The following TMEM132B variants were observed in gnomAD, a reference collection of about 807,000 sequenced individuals.
TMEM132B encodes transmembrane protein 132B.
Under a neutral mutation model 90.8 loss-of-function variants are expected in TMEM132B, and 18 were observed. The observed-to-expected ratio is 0.20, with a 90% CI of 0.14 to 0.29. The LOEUF (loss-of-function observed/expected upper bound fraction) is 0.29. TMEM132B is among the 10% of genes least tolerant of loss of function. The pLI, the probability that TMEM132B is intolerant of heterozygous loss-of-function variation, is 1.00. For synonymous variants in TMEM132B, 504 were observed against 523.3 expected, an observed-to-expected ratio of 0.96 and a Z score of 0.50; for missense variants, 1,096 against 1,326.8, an observed-to-expected ratio of 0.83 and a Z score of 2.70.
At chr12:125,519,838 C>T (rs894754549) in intron 4 of TMEM132B, among the ~76,000 whole-genome samples, 32 of 152,086 alleles carry the variant, frequency 2.1e-4, no homozygotes, top group Admixed American at 2.6e-4. Flanking sequence ...GTGGATATTG[C>T]GGAACTGTTT....
chr12:125,389,340 C>T (rs1593118196), intron 2 of TMEM132B, among the ~76,000 whole-genome samples: 1 of 137,376 alleles, frequency 7.3e-6, no homozygotes, highest in Non-Finnish European at 1.6e-5. Flanking sequence ...TCCCTCCCCT[C>T]CCCTCCCCTC....
At chr12:125,326,462 A>G (rs1027462754) in intron 1 of TMEM132B, 1 of 801,944 alleles carries the variant, frequency 1.2e-6, no homozygotes, top group African/African-American at 1.7e-5. Context: ...TATGAGCTCA[A>G]AATGGAGCAC....
intron 1 of TMEM132B, among the ~76,000 whole-genome samples, chr12:125,272,429 C>A (rs1473518405): frequency 6.6e-6 from 1 of 152,180 alleles, no homozygotes; most frequent in African/African-American, 2.4e-5. Context: ...GGCAAAAACT[C>A]CCTCTTCGGT....
At chr12:125,499,494 A>G (rs190087751) in intron 3 of TMEM132B, among the ~76,000 whole-genome samples, 52 of 152,326 alleles carry the variant, frequency 3.4e-4, no homozygotes, top group Non-Finnish European at 6.9e-4. Context: ...ATGAATGGAC[A>G]TGCAGTCAGG....
Position 125,553,307 on chromosome 12 carries a change from G to A in TMEM132B, c.1294-30544G>A, listed in dbSNP as rs764077853. ...AGCACCTGGTAGACGCCAGTCCCAG[G>A]GCTGGGCTGCAGGATGCAATGGAGA... On this transcript the variant is annotated intron_variant, in intron 4 of 8. Coordinates refer to ENST00000682704, the MANE Select transcript of TMEM132B (RefSeq NM_001366854.1). Among the ~76,000 whole-genome samples, 3 of 152,328 alleles carry A rather than the reference G, an allele frequency of 2.0e-5. No individual in the cohort carries two copies. The East Asian group carries it at 5.8e-4, about 29-fold the overall frequency.
intron 3 of TMEM132B, among the ~76,000 whole-genome samples, chr12:125,463,719 ATTCT>A (rs1384352974): frequency 2.0e-5 from 3 of 152,222 alleles, no homozygotes; most frequent in Non-Finnish European, 4.4e-5. Flanking sequence ...AGGGCAAGGT[ATTCT>A]TTTTCTCCTT....
Position 125,490,558 on chromosome 12 carries a change from G to T in TMEM132B, c.1107-28881G>T, listed in dbSNP as rs1882322139. Among the ~76,000 whole-genome samples, 1 of 152,028 alleles carries T rather than the reference G, an allele frequency of 6.6e-6. No homozygotes were observed. The highest frequency in any genetic ancestry group is 1.5e-5 in the Non-Finnish European group (1 of 67,998). On this transcript the variant is annotated intron_variant, in intron 3 of 8. Coordinates refer to ENST00000682704, the MANE Select transcript of TMEM132B (RefSeq NM_001366854.1). The surrounding 1 kb of genome is among the most constrained non-coding windows in gnomAD (Gnocchi z 4.2). The stretch of plus-strand genomic sequence containing the variant: ...AGCTCACTGCAAGCTCTGCCTCCCG[G>T]GTTCACACCATTCTCCTGCCTTAGC...
rs542135278 is a variant in TMEM132B, at chr12:125,257,059, T to C, written c.67+70193T>C. ...CCAGCACGGTGGCTTATGCCTGTAA[T>C]CCCAACACTTTGGGAGGCTGAGGCA... On this transcript the variant is annotated intron_variant, in intron 1 of 8. Transcript: ENST00000682704. Among the ~76,000 whole-genome samples the C allele has an allele frequency of 3.9e-5, 6 of 152,300 alleles. No homozygotes were observed. In the East Asian group the frequency reaches 1.2e-3, roughly 29 times the overall value.
intron 1 of TMEM132B, among the ~76,000 whole-genome samples, chr12:125,304,182 C>G (rs772947591): frequency 3.9e-5 from 6 of 152,194 alleles, no homozygotes; most frequent in Non-Finnish European, 7.3e-5. Flanking sequence ...GATGATCTGA[C>G]AGGAGGCGGA....
At chr12:125,340,450 A>G (rs1489427617) in intron 1 of TMEM132B, among the ~76,000 whole-genome samples, 4 of 152,078 alleles carry the variant, frequency 2.6e-5, no homozygotes, top group African/African-American at 4.8e-5. Flanking sequence ...ATACATACCC[A>G]TGCACAGAAA....
intron 1 of TMEM132B, among the ~76,000 whole-genome samples, chr12:125,222,534 T>C (rs1018788167): frequency 6.6e-6 from 1 of 152,200 alleles, no homozygotes; most frequent in African/African-American, 2.4e-5. Context: ...TTCTGAACAT[T>C]TGTTCTTGGA....
At chr12:125,601,888 A>G (rs897500159) in intron 5 of TMEM132B, among the ~76,000 whole-genome samples, 3 of 152,230 alleles carry the variant, frequency 2.0e-5, no homozygotes, top group Non-Finnish European at 4.4e-5. Flanking sequence ...TCCTGGACAC[A>G]TACACCCTCC....
intron 1 of TMEM132B, among the ~76,000 whole-genome samples, chr12:125,236,538 C>T (rs1323799086): frequency 1.3e-5 from 2 of 152,168 alleles, no homozygotes; most frequent in Admixed American, 6.5e-5. Context: ...ATCTGCCATC[C>T]GTTAATGGAC....
At chr12:125,525,985 C>T (rs540779140) in intron 4 of TMEM132B, among the ~76,000 whole-genome samples, 1 of 152,292 alleles carries the variant, frequency 6.6e-6, no homozygotes, top group East Asian at 1.9e-4. Flanking sequence ...AGGATTGAAG[C>T]ACAGGGCTAT....
chr12:125,505,166 C>CA (rs71306287), intron 3 of TMEM132B, among the ~76,000 whole-genome samples: 2,597 of 28,506 alleles, frequency 0.091, 669 homozygotes, highest in South Asian at 0.13. Context: ...CACCAGAGGA[C>CA]AAAAAAAAAA....
At chr12:125,226,261 G>A (rs1873679133) in intron 1 of TMEM132B, among the ~76,000 whole-genome samples, 1 of 152,192 alleles carries the variant, frequency 6.6e-6, no homozygotes, top group Non-Finnish European at 1.5e-5. Context: ...GTGGGAGTTA[G>A]TACCCCAGCT....
intron 3 of TMEM132B, among the ~76,000 whole-genome samples, chr12:125,514,567 C>T (rs1475068761): frequency 6.6e-6 from 1 of 152,186 alleles, no homozygotes; most frequent in African/African-American, 2.4e-5. Flanking sequence ...TTCTCTTGTC[C>T]CATTTTTAGA....
chr12:125,187,155 A>G (rs948686848), intron 1 of TMEM132B, among the ~76,000 whole-genome samples: 1 of 152,058 alleles, frequency 6.6e-6, no homozygotes, highest in Non-Finnish European at 1.5e-5. Context: ...TGGGGACGCG[A>G]CTGCAGGAAT....
intron 1 of TMEM132B, among the ~76,000 whole-genome samples, chr12:125,223,597 CACT>C (rs1426707094): frequency 2.6e-5 from 4 of 152,124 alleles, no homozygotes; most frequent in Admixed American, 1.3e-4. Context: ...CAACCATCAC[CACT>C]AATTCCAGAA....
Sources: gnomAD v4.1 joint callset for allele counts (sites outside exome capture counted in the v4.1 genomes callset) on GRCh38, gnomAD v4.1.1 for gene constraint, Gnocchi (gnomAD v3.1) non-coding constraint, MANE v1.5 for transcripts, NCBI Gene and HGNC (gene_info 2026-07-23, HGNC 2026-07-21) for gene names.